PPP1CA: variants seen among roughly 807,000 people sequenced by gnomAD.
The protein encoded by PPP1CA is protein phosphatase 1 catalytic subunit alpha.
In PPP1CA, 14 loss-of-function variants were observed where a neutral mutation model predicts 38.5. The ratio of observed to expected loss-of-function variants is 0.36; its 90% CI spans 0.24 to 0.57. The LOEUF is 0.57. Ranked by LOEUF, PPP1CA falls within the 20% of genes least tolerant of loss-of-function variation. The pLI, the probability that PPP1CA is intolerant of heterozygous loss-of-function variation, is 0.80. For missense variants in PPP1CA, 277 were observed against 435.2 expected, an observed-to-expected ratio of 0.64 and a Z score of 3.23; for synonymous variants, 200 against 177.3, an observed-to-expected ratio of 1.13 and a Z score of -1.02.
intron 3 of PPP1CA, among the ~76,000 whole-genome samples, chr11:67,400,356 G>A (rs1862857689): frequency 6.6e-6 from 1 of 152,184 alleles, no homozygotes; most frequent in Non-Finnish European, 1.5e-5. Flanking sequence ...CCCATGAGCC[G>A]GGCCAAGTCC....
chr11:67,401,854 G>A lies in PPP1CA; in HGVS notation c.-72C>T, dbSNP rs1001514580. ...TCCCGCCCTCCGGCAGCCTCCTTCCGGCCTGGCTCTCCTTCCGCCCGCCCC... is the reference window on the plus strand; with the variant it reads ...TCCCGCCCTCCGGCAGCCTCCTTCCAGCCTGGCTCTCCTTCCGCCCGCCCC... On this transcript the variant is annotated 5_prime_UTR_variant, in exon 1 of 7. Transcript: ENST00000376745. The A allele has an allele frequency of 4.8e-6, 6 of 1,246,152 alleles. No individual in the cohort carries two copies. Among genetic ancestry groups the A allele is most frequent in the Non-Finnish European group, 6.2e-6 (6 of 975,434 alleles). The allele number at this position is 1,246,152 out of a possible 1,614,324, so 77.2% of individuals were successfully genotyped here. A position where few individuals can be genotyped will look rare whatever the true frequency, so the allele number is the denominator to read the frequency against.
In PPP1CA at chr11:67,398,447, G is replaced by C. The variant is rs1060380; in HGVS notation, c.*88C>G. On this transcript the variant is annotated 3_prime_UTR_variant, in exon 7 of 7. Transcript: ENST00000376745. ...CATGTTCCCCGTGACAGGTGGGCCT[G>C]AGGGGTCGGGGTGACCCCCCCCCAG... 1 of 1,337,656 alleles carries C rather than the reference G, an allele frequency of 7.5e-7. No individual in the cohort carries two copies. Among genetic ancestry groups the C allele is most frequent in the African/African-American group, 1.5e-5 (1 of 68,622 alleles). The allele number at this position is 1,337,656 out of a possible 1,614,324, so 82.9% of individuals were successfully genotyped here.
intron 3 of PPP1CA, 142 bp downstream of exon 3, chr11:67,400,547 C>G (rs944748712): frequency 2.4e-6 from 2 of 817,986 alleles, no homozygotes; most frequent in Middle Eastern, 3.6e-4. Flanking sequence ...AGGGCAGGCA[C>G]GAGAACGGAC....
rs867142064 is a variant in PPP1CA at position 67,398,262 on chromosome 11, G to A, written c.*273C>T. 6 of 484,180 alleles carry A rather than the reference G, an allele frequency of 1.2e-5. No individual in the cohort carries two copies. Among genetic ancestry groups the A allele is most frequent in the African/African-American group, 3.9e-5 (2 of 51,438 alleles). The allele number at this position is 484,180 out of a possible 1,614,324, so 30.0% of individuals were successfully genotyped here. A position where few individuals can be genotyped will look rare whatever the true frequency, so the allele number is the denominator to read the frequency against. On this transcript the variant is annotated 3_prime_UTR_variant, in exon 7 of 7. Transcript: ENST00000376745. ...GGCTGCCAGCCCTGAGGCCAAGCAC[G>A]GCTGGAGACCCACGACCTGGCCTGC...
At chr11:67,399,513 T>C (rs2286620) in intron 4 of PPP1CA, 48 bp downstream of exon 4, 128,517 of 1,541,022 alleles carry the variant, frequency 0.083, 7,842 homozygotes, top group African/African-American at 0.29. Flanking sequence ...TGCCGGGTGC[T>C]GAGGGATGCG....
rs766186063 is a variant in PPP1CA, at chr11:67,401,815, G to A, written c.-33C>T. On this transcript the variant is annotated 5_prime_UTR_variant, in exon 1 of 7. Coordinates refer to ENST00000376745, the MANE Select transcript of PPP1CA (RefSeq NM_002708.4). ...CCGCCGCTCCAGCCCAGCAGCTCCT[G>A]GCCCGCTCCTGCCTCCCGCCCTCCG... 5.0e-6 allele frequency: 7 copies of A among 1,412,094 alleles called. No individual in the cohort carries two copies. In the African/African-American group the frequency reaches 5.9e-5, roughly 12 times the overall value. The allele number at this position is 1,412,094 out of a possible 1,614,324, so 87.5% of individuals were successfully genotyped here. A position where few individuals can be genotyped will look rare whatever the true frequency, so the allele number is the denominator to read the frequency against.
At chr11:67,401,420 G>A (rs923743029) in intron 1 of PPP1CA, 1 of 754,008 alleles carries the variant, frequency 1.3e-6, no homozygotes, top group Non-Finnish European at 2.1e-6. Flanking sequence ...CGTGCGCAGG[G>A]GGCTGCCACC....
chr11:67,399,674 G>T lies in PPP1CA; in HGVS notation c.419-9C>A. ...GTTGTAGCGTCTCTTGCCTGCCCAGGGGGAGGTGGCTGTGAGGTGCCTGCC... is the reference window on the plus strand; with the variant it reads ...GTTGTAGCGTCTCTTGCCTGCCCAGTGGGAGGTGGCTGTGAGGTGCCTGCC... On this transcript the variant is annotated splice_polypyrimidine_tract_variant and intron_variant, in intron 3 of 6. Transcript: ENST00000376745. 4 of 1,609,464 alleles carry T rather than the reference G, an allele frequency of 2.5e-6. No individual in the cohort carries two copies. Among genetic ancestry groups the T allele is most frequent in the East Asian group, 2.2e-5 (1 of 44,682 alleles).
chr11:67,399,241 T>C (rs1407136342), intron 4 of PPP1CA, 78 bp from the exon 5 acceptor site: 1 of 1,297,426 alleles, frequency 7.7e-7, no homozygotes, highest in African/African-American at 1.5e-5. Flanking sequence ...GAACCCCACC[T>C]TTCCCACCAC....
rs376574132 is a variant in PPP1CA at position 67,400,822 on chromosome 11, G to A, written c.285C>T (p.Asp95=). ...TGGTCTCCAAGGACTGCTTGCCCCT[G>A]TCCACATAGTCCCCCAGAAAGAGGT... ...SNYLFLGDYV[D]RGKQSLETIC... is the part of the protein sequence containing the mutation. Residue 95 remains aspartate, a synonymous_variant, in exon 3 of 7, where the codon GAC becomes GAT. Coordinates refer to ENST00000376745, the MANE Select transcript of PPP1CA (RefSeq NM_002708.4). The A allele has an allele frequency of 4.3e-6, 7 of 1,613,974 alleles. No individual in the cohort carries two copies. The African/African-American group carries it at 6.7e-5, about 15-fold the overall frequency.
rs1488340584 is a variant in PPP1CA at position 67,400,796 on chromosome 11, A to G, written c.311T>C (p.Ile104Thr). The G allele has an allele frequency of 6.2e-7, 1 of 1,614,026 alleles. No individual in the cohort carries two copies. Among genetic ancestry groups the G allele is most frequent in the Non-Finnish European group, 8.5e-7 (1 of 1,180,042 alleles). The change falls in exon 3 of 7, where the codon ATC becomes ACC. Residue 104 changes from isoleucine (I) to threonine (T), a missense_variant. Transcript: ENST00000376745. ...GATCTTATAGGCCAGCAGCAGGCAG[A>G]TGGTCTCCAAGGACTGCTTGCCCCT... ...VDRGKQSLETICLLLAYKIKY... is the reference protein window; with the variant it reads ...VDRGKQSLETTCLLLAYKIKY...
intron 3 of PPP1CA, among the ~76,000 whole-genome samples, chr11:67,400,460 G>A (rs1862861507): frequency 6.6e-6 from 1 of 152,246 alleles, no homozygotes; most frequent in African/African-American, 2.4e-5. Context: ...CACCAGGCAG[G>A]GCCCTGGGGG....
intron 1 of PPP1CA, 76 bp from the exon 2 acceptor site, chr11:67,401,275 C>T (rs1455618159): frequency 1.3e-6 from 2 of 1,595,944 alleles, no homozygotes; most frequent in Non-Finnish European, 1.7e-6. Context: ...CCCATGGATA[C>T]CTCCGGGGGC....
At chr11:67,401,224 C>T in intron 1 of PPP1CA, 25 bp from the exon 2 acceptor site, 1 of 1,611,636 alleles carries the variant, frequency 6.2e-7, no homozygotes, top group Non-Finnish European at 8.5e-7. Context: ...GGTGTCAGGA[C>T]CCTGGACCCT....
chr11:67,399,720 TC>T, intron 3 of PPP1CA, 55 bp from the exon 4 acceptor site: 1 of 1,442,102 alleles, frequency 6.9e-7, no homozygotes, highest in Non-Finnish European at 9.6e-7. Flanking sequence ...TCAGCCAGGG[TC>T]CCTGGGCTAT....
chr11:67,400,425 T>C (rs1199825878), intron 3 of PPP1CA, among the ~76,000 whole-genome samples: 4 of 152,154 alleles, frequency 2.6e-5, no homozygotes, highest in Admixed American at 2.6e-4. Flanking sequence ...TCCTAAGTGC[T>C]TAGTAGCAAA....
chr11:67,400,993 G>C, intron 2 of PPP1CA, 74 bp from the exon 3 acceptor site: 1 of 1,608,694 alleles, frequency 6.2e-7, no homozygotes, highest in East Asian at 2.2e-5. Context: ...GCGCTCAAGG[G>C]AGGAGGGCTC....
Position 67,401,853 on chromosome 11 carries a change from C to G in PPP1CA, c.-71G>C. 8.0e-7 allele frequency: 1 copy of G among 1,246,668 alleles called. No homozygotes were observed. The highest frequency in any genetic ancestry group is 1.0e-6 in the Non-Finnish European group (1 of 975,626). 77.2% of individuals were successfully genotyped at this position (1,246,668 alleles called of 1,614,324 possible). Reference sequence around the variant, plus strand: ...CTCCCGCCCTCCGGCAGCCTCCTTCCGGCCTGGCTCTCCTTCCGCCCGCCC... The same window carrying G: ...CTCCCGCCCTCCGGCAGCCTCCTTCGGGCCTGGCTCTCCTTCCGCCCGCCC... On this transcript the variant is annotated 5_prime_UTR_variant, in exon 1 of 7. Coordinates refer to ENST00000376745, the MANE Select transcript of PPP1CA (RefSeq NM_002708.4).
chr11:67,401,779 A>G lies in PPP1CA; in HGVS notation c.4T>C (p.Ser2Pro). The G allele has an allele frequency of 2.0e-6, 3 of 1,469,414 alleles. No homozygotes were observed. Among genetic ancestry groups the G allele is most frequent in the South Asian group, 2.6e-5 (2 of 76,036 alleles). 91.0% of individuals were successfully genotyped at this position (1,469,414 alleles called of 1,614,324 possible). A position where few individuals can be genotyped will look rare whatever the true frequency, so the allele number is the denominator to read the frequency against. The change falls in exon 1 of 7, where the codon TCC becomes CCC. Residue 2 changes from serine (S) to proline (P), a missense_variant. Physicochemically the swap from Ser to Pro is moderately conservative, Grantham distance 74. Around this residue, in one of 3 missense-constraint regions of PPP1CA, gnomAD observed 44 missense variants for 27.4 expected, o/e 1.60. Transcript: ENST00000376745. M[S>P]DSEKLNLDSI... ...TCCAGGTTGAGCTTCTCGCTGTCGG[A>G]CATGGCGGCGCCGCCGCTCCAGCCC... is the stretch of plus-strand genomic sequence containing the variant.
Sources: allele counts gnomAD v4.1 joint callset (sites outside exome capture counted in the v4.1 genomes callset), GRCh38; gene constraint gnomAD v4.1.1; regional missense constraint gnomAD v4.1.1; transcripts MANE v1.5; gene names NCBI Gene and HGNC (gene_info 2026-07-23, HGNC 2026-07-21).